Variants in ARAP1 observed in about 807,000 individuals in gnomAD.
ARAP1 encodes the protein ArfGAP with RhoGAP domain, ankyrin repeat and PH domain 1, also known as arf-GAP with Rho-GAP domain, ANK repeat and PH domain-containing protein 1.
In ARAP1, 76 loss-of-function variants were observed where a neutral mutation model predicts 172.2. The observed-to-expected ratio is 0.44, with a 90% confidence interval of 0.37 to 0.53. The LOEUF is 0.53. ARAP1 is among the 20% of genes least tolerant of loss of function. The probability of loss-of-function intolerance (pLI) is 0.00; values close to 1 mark genes in which losing one functional copy is unlikely to be tolerated. For synonymous variants in ARAP1, 804 were observed against 803.3 expected (o/e 1.00, Z -0.01); for missense variants, 1,686 against 1,977.5 (o/e 0.85, Z 2.80).
intron 23 of ARAP1, among the ~76,000 whole-genome samples, chr11:72,696,167 G>T (rs1456283097): frequency 1.3e-5 from 2 of 152,080 alleles, no homozygotes; most frequent in African/African-American, 4.8e-5. Flanking sequence ...GGGTCGGGGG[G>T]CAGGGGATGG....
At position 72,696,602 on chromosome 11, in the gene ARAP1, C is replaced by A; in HGVS notation, c.3219G>T (p.Arg1073=). 6.2e-7 allele frequency: 1 copy of A among 1,605,752 alleles called. No homozygotes were observed. Among genetic ancestry groups the A allele is most frequent in the Non-Finnish European group, 8.5e-7 (1 of 1,174,522 alleles). ...CTGTGGCCCGGTTGACAGGGGGCAG[C>A]CGCACCAGCAGCTCTCGGTACCTGG... The part of the protein sequence containing the change: ...KVSRYRELLV[R]LPPVNRATVK... Residue 1073 remains arginine, a synonymous_variant, in exon 23 of 35, where the codon CGG becomes CGT. Transcript: ENST00000393609.
At position 72,693,478 on chromosome 11, in the gene ARAP1, G is replaced by T. The variant is rs1306242326; in HGVS notation, c.3809-8C>A. On this transcript the variant is annotated splice_region_variant and splice_polypyrimidine_tract_variant and intron_variant, in intron 28 of 34. Transcript: ENST00000393609. The surrounding 1 kb of genome is among the most constrained non-coding windows in gnomAD (Gnocchi z 4.6). ...TGTCACCGACACGGCTGGCTGGGGG[G>T]TGGGACTGGAGTGGGCACAGGCTGC... The T allele has an allele frequency of 1.9e-6, 3 of 1,611,830 alleles. No homozygotes were observed. Among genetic ancestry groups the T allele is most frequent in the Non-Finnish European group, 2.5e-6 (3 of 1,178,690 alleles).
At chr11:72,714,414 C>T (rs1196964178) in intron 3 of ARAP1, 93 bp from the exon 4 acceptor site, 1 of 1,287,232 alleles carries the variant, frequency 7.8e-7, no homozygotes, top group African/African-American at 1.5e-5. Context: ...CAGCAAAACT[C>T]AGGCACTACA....
intron 18 of ARAP1, among the ~76,000 whole-genome samples, chr11:72,698,612 TC>T (rs1856324558): frequency 6.6e-6 from 1 of 151,966 alleles, no homozygotes; most frequent in Admixed American, 6.5e-5. Context: ...CTGGCTCTAG[TC>T]CCCGAGGCAG....
rs932640016 is a variant in ARAP1, at chr11:72,685,416, G to A, written c.*248C>T. On this transcript the variant is annotated 3_prime_UTR_variant, in exon 35 of 35. Coordinates refer to ENST00000393609, the MANE Select transcript of ARAP1 (RefSeq NM_001040118.3). ...ACAAGGACAGTGAACCCGGTGGGGT[G>A]AGCAGGTTGGGCCAAGAGGTCTGAA... is the stretch of plus-strand genomic sequence containing the variant. 3 of 577,428 alleles carry A rather than the reference G, an allele frequency of 5.2e-6. No homozygotes were observed. The highest frequency in any genetic ancestry group is 9.3e-6 in the Non-Finnish European group (3 of 323,804). 35.8% of individuals were successfully genotyped at this position (577,428 alleles called of 1,614,324 possible). A position where few individuals can be genotyped will look rare whatever the true frequency, so the allele number is the denominator to read the frequency against.
Position 72,688,547 on chromosome 11 carries a change from G to A in ARAP1, c.3988-10C>T, listed in dbSNP as rs1247373903. 2 of 1,609,724 alleles carry A rather than the reference G, an allele frequency of 1.2e-6. No homozygotes were observed. The highest frequency in any genetic ancestry group is 2.7e-5 in the African/African-American group (2 of 74,850). On this transcript the variant is annotated splice_polypyrimidine_tract_variant and intron_variant, in intron 30 of 34. Transcript: ENST00000393609. The stretch of plus-strand genomic sequence containing the variant: ...TCTCAGGCCGGTGACTCTGAGGTAG[G>A]GCAAGGAGAAGAGGGCACTTTAGTC...
chr11:72,723,304 T>C (rs891897206), intron 3 of ARAP1, among the ~76,000 whole-genome samples: 1 of 151,930 alleles, frequency 6.6e-6, no homozygotes, highest in African/African-American at 2.4e-5. Flanking sequence ...AGAGACTTAG[T>C]CTCTATTAAT....
intron 18 of ARAP1, 34 bp downstream of exon 18, chr11:72,698,971 C>T: frequency 6.2e-7 from 1 of 1,608,854 alleles, no homozygotes; most frequent in Non-Finnish European, 8.5e-7. Flanking sequence ...CCCAGTCAGA[C>T]ACCCTTACAC....
At chr11:72,706,427 G>A (rs1156860977) in intron 12 of ARAP1, among the ~76,000 whole-genome samples, 1 of 152,156 alleles carries the variant, frequency 6.6e-6, no homozygotes, top group Non-Finnish European at 1.5e-5. Flanking sequence ...ACCTCCAGCA[G>A]CCCACAGCCA....
At chr11:72,746,951 TGGGGCAGTGCTCGCTGGGCCAGTA>T (rs1305053587) in intron 1 of ARAP1, among the ~76,000 whole-genome samples, 4 of 152,050 alleles carry the variant, frequency 2.6e-5, no homozygotes, top group Admixed American at 2.0e-4. Flanking sequence ...ATGCCCAGGG[TGGGGCAGTGCTCGCTGGGCCAGTA>T]GGAAAGCTGG....
intron 1 of ARAP1, among the ~76,000 whole-genome samples, chr11:72,747,201 T>G (rs572174602): frequency 6.6e-6 from 1 of 152,280 alleles, no homozygotes; most frequent in Admixed American, 6.5e-5. Context: ...CCTCCTGATC[T>G]TCTCCCACCC....
At chr11:72,703,600 T>G (rs1376579267) in intron 14 of ARAP1, among the ~76,000 whole-genome samples, 1 of 152,146 alleles carries the variant, frequency 6.6e-6, no homozygotes, top group African/African-American at 2.4e-5. Flanking sequence ...GGACTGAGTC[T>G]GCCTGGGAGG....
chr11:72,714,323 T>C lies in ARAP1; in HGVS notation c.510-2A>G. 6.5e-7 allele frequency: 1 copy of C among 1,547,734 alleles called. No individual in the cohort carries two copies. Among genetic ancestry groups the C allele is most frequent in the Non-Finnish European group, 8.7e-7 (1 of 1,145,416 alleles). ...GACTCCTCCTCCTTAGTGGGCAGGCTGGGAACACAACAAAAGTTGGGCATC... is the reference window on the plus strand; with the variant it reads ...GACTCCTCCTCCTTAGTGGGCAGGCCGGGAACACAACAAAAGTTGGGCATC... On this transcript the variant is annotated splice_acceptor_variant, in intron 3 of 34. Coordinates refer to ENST00000393609, the MANE Select transcript of ARAP1 (RefSeq NM_001040118.3). LOFTEE classifies it high-confidence loss of function.
chr11:72,709,727 G>A (rs1856924418), intron 11 of ARAP1, 143 bp downstream of exon 11: 20 of 815,612 alleles, frequency 2.5e-5, no homozygotes, highest in Middle Eastern at 2.2e-4. Flanking sequence ...AGCAAGTGAC[G>A]GGAGAGGGGC....
intron 13 of ARAP1, chr11:72,704,859 C>T (rs943639243): frequency 6.3e-6 from 1 of 158,530 alleles, no homozygotes; most frequent in African/African-American, 2.4e-5. Flanking sequence ...CCTAGGCCCC[C>T]CACCTTGCCT....
At chr11:72,716,860 C>T (rs1417272934) in intron 3 of ARAP1, among the ~76,000 whole-genome samples, 11 of 152,214 alleles carry the variant, frequency 7.2e-5, no homozygotes, top group Admixed American at 4.6e-4. Context: ...CCCTACCCAA[C>T]GGGCCTCTCT....
In ARAP1 at chr11:72,712,525, G is replaced by T; in HGVS notation, c.791C>A (p.Ala264Asp). 2 of 1,613,464 alleles carry T rather than the reference G, an allele frequency of 1.2e-6. No individual in the cohort carries two copies. Among genetic ancestry groups the T allele is most frequent in the Non-Finnish European group, 1.7e-6 (2 of 1,179,844 alleles). Residue 264 changes from alanine to aspartate, a missense_variant, in exon 6 of 35, where the codon GCC becomes GAC. Ala to Asp is a moderately radical substitution (Grantham distance 126). Transcript: ENST00000393609. ...TTCCTCTCCCTCGCTCAGCAGACTG[G>T]CCACGCGCACGGCCCGTGGGACTCG... The part of the protein sequence containing the change: ...PSRVPRAVRV[A>D]SLLSEGEELS...
At chr11:72,707,110 C>A in intron 12 of ARAP1, 65 bp downstream of exon 12, 1 of 1,452,398 alleles carries the variant, frequency 6.9e-7, no homozygotes, top group Non-Finnish European at 9.2e-7. Context: ...AGATAGGATA[C>A]CTGCCATCCC....
Position 72,710,307 on chromosome 11 carries a change from C to A in ARAP1, c.1416+78G>T. On this transcript the variant is annotated intron_variant, in intron 10 of 34. Transcript: ENST00000393609. This position sits in a 1 kb window ranked among gnomAD's most constrained non-coding sequence, Gnocchi z 4.3. ...GCAGGAAAAGAGGGAACAGAAAAGGCAGGGCTAAGGCCCTAGGTCAGCCTG... is the reference window on the plus strand; with the variant it reads ...GCAGGAAAAGAGGGAACAGAAAAGGAAGGGCTAAGGCCCTAGGTCAGCCTG... The A allele has an allele frequency of 1.3e-6, 2 of 1,534,616 alleles. No individual in the cohort carries two copies. Among genetic ancestry groups the A allele is most frequent in the South Asian group, 1.2e-5 (1 of 85,948 alleles).
Sources: allele counts gnomAD v4.1 joint callset (sites outside exome capture counted in the v4.1 genomes callset), GRCh38; gene constraint gnomAD v4.1.1; non-coding constraint Gnocchi (gnomAD v3.1); transcripts MANE v1.5; gene names NCBI Gene and HGNC (gene_info 2026-07-23, HGNC 2026-07-21).